Variants in GALNT18 observed in about 807,000 individuals in gnomAD.
GALNT18 encodes polypeptide N-acetylgalactosaminyltransferase 18, also known as GalNAc-transferase 18.
In GALNT18, 44 loss-of-function variants were observed where a neutral mutation model predicts 69.5. The ratio of observed to expected loss-of-function variants is 0.63; its 90% CI spans 0.50 to 0.81. GALNT18 has a LOEUF of 0.81. Ranked by LOEUF, GALNT18 falls within the 40% of genes least tolerant of loss-of-function variation. GALNT18 has a pLI of 0.00. For synonymous variants in GALNT18, 364 were observed against 318.2 expected, an observed-to-expected ratio of 1.14 and a Z score of -1.53; for missense variants, 715 against 810.0, an observed-to-expected ratio of 0.88 and a Z score of 1.42.
rs989055731 is a variant in GALNT18 at position 11,341,981 on chromosome 11, T to TA, written c.1093-978dup. Among the ~76,000 whole-genome samples, 45 of 146,948 alleles carry TA rather than the reference T, an allele frequency of 3.1e-4. No homozygotes were observed. Among genetic ancestry groups the TA allele is most frequent in the Non-Finnish European group, 4.2e-4 (28 of 65,914 alleles). On this transcript the variant is annotated intron_variant, in intron 6 of 10. Transcript: ENST00000227756. This position sits in a 1 kb window ranked among gnomAD's most constrained non-coding sequence, Gnocchi z 6.3. ...TAAAACATTAAAATTTTTTTTTTTT[T>TA]AAAAAGACCTTGACTATATGGCCCC... is the stretch of plus-strand genomic sequence containing the variant.
In GALNT18 at chr11:11,511,180, A is replaced by T. The variant is rs1021575304; in HGVS notation, c.236-62244T>A. On this transcript the variant is annotated intron_variant, in intron 1 of 10. Coordinates refer to ENST00000227756, the MANE Select transcript of GALNT18 (RefSeq NM_198516.3). The surrounding 1 kb of genome is among the most constrained non-coding windows in gnomAD (Gnocchi z 4.9). Reference sequence around the variant, plus strand: ...GACTGAATGAGGTTTCTCGCTGTGAATAATGGCATTGAAGTATTCAAGGGC... The same window carrying T: ...GACTGAATGAGGTTTCTCGCTGTGATTAATGGCATTGAAGTATTCAAGGGC... Among the ~76,000 whole-genome samples the T allele has an allele frequency of 3.3e-5, 5 of 152,210 alleles. No homozygotes were observed. Among genetic ancestry groups the T allele is most frequent in the African/African-American group, 1.2e-4 (5 of 41,452 alleles).
chr11:11,358,520 T>C (rs1850578007), intron 6 of GALNT18, among the ~76,000 whole-genome samples: 1 of 140,350 alleles, frequency 7.1e-6, no homozygotes, highest in African/African-American at 2.6e-5. Context: ...CTAATAATCA[T>C]TGAAATTATT....
rs1022796509 is a variant in GALNT18, at chr11:11,511,698, G to A, written c.236-62762C>T. Among the ~76,000 whole-genome samples, 2 of 152,164 alleles carry A rather than the reference G, an allele frequency of 1.3e-5. No homozygotes were observed. Among genetic ancestry groups the A allele is most frequent in the African/African-American group, 2.4e-5 (1 of 41,436 alleles). On this transcript the variant is annotated intron_variant, in intron 1 of 10. Transcript: ENST00000227756. The surrounding 1 kb of genome is among the most constrained non-coding windows in gnomAD (Gnocchi z 4.9). ...TTTGGGAGGTGATTGGATCATAAGG[G>A]TGGAGCCCTCATCAATGGTATATTG...
intron 1 of GALNT18, among the ~76,000 whole-genome samples, chr11:11,481,119 T>C (rs763018217): frequency 7.2e-5 from 11 of 152,094 alleles, no homozygotes; most frequent in Non-Finnish European, 1.5e-4. Flanking sequence ...TTTCTATGGG[T>C]CTGGGTGGCT....
chr11:11,417,170 T>C (rs1298898385), intron 3 of GALNT18, among the ~76,000 whole-genome samples: 1 of 152,172 alleles, frequency 6.6e-6, no homozygotes, highest in Non-Finnish European at 1.5e-5. Context: ...TGCAAAACCA[T>C]GCGCCTTTCT....
intron 1 of GALNT18, among the ~76,000 whole-genome samples, chr11:11,455,951 T>C (rs1309379482): frequency 1.3e-5 from 2 of 152,050 alleles, no homozygotes; most frequent in Non-Finnish European, 2.9e-5. Context: ...TAGCCAAGCA[T>C]GGTGGTGTAC....
intron 1 of GALNT18, among the ~76,000 whole-genome samples, chr11:11,565,495 GC>G (rs1485849340): frequency 6.6e-6 from 1 of 152,146 alleles, no homozygotes; most frequent in Non-Finnish European, 1.5e-5. Context: ...GAGGGTAAGT[GC>G]CCCAAATGCA....
chr11:11,272,252 A>G (rs1848843304), intron 10 of GALNT18, among the ~76,000 whole-genome samples: 1 of 152,192 alleles, frequency 6.6e-6, no homozygotes, highest in Non-Finnish European at 1.5e-5. Flanking sequence ...GCATCCAAGT[A>G]AGCCTCAAGT....
At position 11,584,205 on chromosome 11, in the gene GALNT18, G is replaced by A. The variant is rs61870386; in HGVS notation, c.235+37154C>T. On this transcript the variant is annotated intron_variant, in intron 1 of 10. Coordinates refer to ENST00000227756, the MANE Select transcript of GALNT18 (RefSeq NM_198516.3). This position sits in a 1 kb window ranked among gnomAD's most constrained non-coding sequence, Gnocchi z 4.1. ...GTGGGCCAGCGGCAATAAAATTAGA[G>A]CAAAGTGTCCTTCCAGCAGCTGGGG... Among the ~76,000 whole-genome samples, 19,732 of 152,110 alleles carry A rather than the reference G, an allele frequency of 0.13. 1,351 individuals are homozygous for A. Among genetic ancestry groups the A allele is most frequent in the Admixed American group, 0.18 (2,736 of 15,284 alleles).
intron 1 of GALNT18, among the ~76,000 whole-genome samples, chr11:11,493,460 G>A (rs955021950): frequency 8.6e-5 from 13 of 151,918 alleles, no homozygotes; most frequent in African/African-American, 1.9e-4. Context: ...AGCCTGATAC[G>A]TTCCTTGATC....
Position 11,496,047 on chromosome 11 carries a change from T to A in GALNT18, c.236-47111A>T, listed in dbSNP as rs558683712. Among the ~76,000 whole-genome samples the A allele has an allele frequency of 1.1e-4, 16 of 152,174 alleles. No individual in the cohort carries two copies. Among genetic ancestry groups the A allele is most frequent in the Non-Finnish European group, 2.2e-4 (15 of 68,036 alleles). On this transcript the variant is annotated intron_variant, in intron 1 of 10. Transcript: ENST00000227756. The surrounding 1 kb of genome is among the most constrained non-coding windows in gnomAD (Gnocchi z 4.0). ...ATCCCTGTTACATGACTAAAGCAACTGAGGCTCAGGAAGAACAAGTAACTT... is the reference window on the plus strand; with the variant it reads ...ATCCCTGTTACATGACTAAAGCAACAGAGGCTCAGGAAGAACAAGTAACTT...
intron 1 of GALNT18, chr11:11,475,034 T>C (rs1287478067): frequency 1.3e-5 from 2 of 152,104 alleles, no homozygotes; most frequent in Non-Finnish European, 2.9e-5. Context: ...TAGCACAGGG[T>C]AGGCATCTTT....
intron 3 of GALNT18, among the ~76,000 whole-genome samples, chr11:11,380,072 G>A (rs1342436686): frequency 6.6e-6 from 1 of 152,226 alleles, no homozygotes; most frequent in African/African-American, 2.4e-5. Context: ...TCCATCCCAA[G>A]GTGTGAATTC....
intron 1 of GALNT18, among the ~76,000 whole-genome samples, chr11:11,608,025 G>C (rs886514966): frequency 2.6e-5 from 4 of 152,226 alleles, no homozygotes; most frequent in African/African-American, 9.6e-5. Flanking sequence ...GAACTTCAGA[G>C]CAGCGGTCAG....
intron 3 of GALNT18, among the ~76,000 whole-genome samples, chr11:11,423,467 A>G (rs1440524940): frequency 2.6e-5 from 4 of 152,140 alleles, no homozygotes; most frequent in African/African-American, 9.7e-5. Context: ...CAACTGTTCA[A>G]TTACCTCTCA....
rs1358777582 is a variant in GALNT18 at position 11,404,259 on chromosome 11, C to T, written c.596-24995G>A. On this transcript the variant is annotated intron_variant, in intron 3 of 10. Coordinates refer to ENST00000227756, the MANE Select transcript of GALNT18 (RefSeq NM_198516.3). This position sits in a 1 kb window ranked among gnomAD's most constrained non-coding sequence, Gnocchi z 4.5. ...GGGATGGCATTGATCACTGAATTCCCCAGGGGAGCCCTGGGCTTCAGTGCC... is the reference window on the plus strand; with the variant it reads ...GGGATGGCATTGATCACTGAATTCCTCAGGGGAGCCCTGGGCTTCAGTGCC... 6.6e-6 allele frequency among the ~76,000 whole-genome samples: 1 copy of T among 152,202 alleles called. No homozygotes were observed. The highest frequency in any genetic ancestry group is 1.5e-5 in the Non-Finnish European group (1 of 68,020).
chr11:11,506,175 G>T (rs766205788), intron 1 of GALNT18, among the ~76,000 whole-genome samples: 7 of 152,142 alleles, frequency 4.6e-5, no homozygotes, highest in Non-Finnish European at 7.3e-5. Flanking sequence ...TATGTCCCCA[G>T]AACTCCAGCA....
At chr11:11,297,038 G>A (rs184325333) in intron 9 of GALNT18, among the ~76,000 whole-genome samples, 200 of 152,258 alleles carry the variant, frequency 1.3e-3, no homozygotes, top group African/African-American at 4.6e-3. Context: ...TTAGAACGAT[G>A]GTCCTCAGTG....
chr11:11,362,973 G>GT (rs550475136), intron 6 of GALNT18, among the ~76,000 whole-genome samples: 1 of 152,276 alleles, frequency 6.6e-6, no homozygotes, highest in East Asian at 1.9e-4. Context: ...GTATGCAACC[G>GT]TAAGAAAGGA....
Sources: allele counts gnomAD v4.1 joint callset (sites outside exome capture counted in the v4.1 genomes callset), GRCh38; gene constraint gnomAD v4.1.1; non-coding constraint Gnocchi (gnomAD v3.1); transcripts MANE v1.5; gene names NCBI Gene and HGNC (gene_info 2026-07-23, HGNC 2026-07-21).